VPS50: variants seen among roughly 807,000 people sequenced by gnomAD.
VPS50 encodes syndetin.
A neutral mutation model predicts 139.7 loss-of-function variants in VPS50; 70 were observed. The ratio of observed to expected loss-of-function variants is 0.50; its 90% CI spans 0.41 to 0.61. The LOEUF (loss-of-function observed/expected upper bound fraction) is 0.61. Ranked by LOEUF, VPS50 falls within the 20% of genes least tolerant of loss-of-function variation. The pLI is 0.00. For missense variants in VPS50, 921 were observed against 1,133.7 expected (o/e 0.81, Z 2.69); for synonymous variants, 365 against 376.7 (o/e 0.97, Z 0.36).
intron 6 of VPS50, 161 bp downstream of exon 6, chr7:93,257,625 G>T: frequency 2.1e-6 from 1 of 479,580 alleles, no homozygotes; most frequent in Non-Finnish European, 3.6e-6. Context: ...ACACTAAGAG[G>T]GTTTGTGGGA....
At chr7:93,325,153 C>G (rs1797732717) in intron 21 of VPS50, among the ~76,000 whole-genome samples, 1 of 152,170 alleles carries the variant, frequency 6.6e-6, no homozygotes, top group Non-Finnish European at 1.5e-5. Context: ...ATATCTACAA[C>G]TATCTGATCT....
At chr7:93,342,352 T>C (rs1798241678) in intron 23 of VPS50, among the ~76,000 whole-genome samples, 1 of 152,172 alleles carries the variant, frequency 6.6e-6, no homozygotes, top group South Asian at 2.1e-4. Context: ...CGCTGATTGC[T>C]AGCACAGCAG....
At position 93,306,024 on chromosome 7, in the gene VPS50, C is replaced by A. The variant is rs1288412789; in HGVS notation, c.1629+20C>A. ...AATGGGGTATGTGGTGTATGTGAAA[C>A]ATAAGTGAGTTTTTTTTATTTAAAA... On this transcript the variant is annotated intron_variant, in intron 18 of 27. Coordinates refer to ENST00000305866, the MANE Select transcript of VPS50 (RefSeq NM_017667.4). 1 of 1,578,686 alleles carries A rather than the reference C, an allele frequency of 6.3e-7. No homozygotes were observed.
intron 2 of VPS50, among the ~76,000 whole-genome samples, chr7:93,247,239 C>G (rs1795183197): frequency 6.6e-6 from 1 of 151,794 alleles, no homozygotes; most frequent in African/African-American, 2.4e-5. Flanking sequence ...TTTGATATAG[C>G]CTAACCTGAG....
chr7:93,258,407 T>G lies in VPS50; in HGVS notation c.576+15T>G, dbSNP rs1357576614. On this transcript the variant is annotated intron_variant, in intron 8 of 27. Coordinates refer to ENST00000305866, the MANE Select transcript of VPS50 (RefSeq NM_017667.4). ...AAATGCTGGAGGTAAGTTAACAAGT[T>G]TTGGAAATTTAGGGTCCTACTGATA... is the stretch of plus-strand genomic sequence containing the variant. 6.2e-7 allele frequency: 1 copy of G among 1,610,180 alleles called. No homozygotes were observed. The highest frequency in any genetic ancestry group is 1.7e-5 in the Admixed American group (1 of 59,970).
At chr7:93,259,413 T>A (rs1795597160) in intron 8 of VPS50, 137 bp from the exon 9 acceptor site, 1 of 514,918 alleles carries the variant, frequency 1.9e-6, no homozygotes, top group East Asian at 3.0e-5. Flanking sequence ...CACTTATCTA[T>A]CATTGATATT....
At chr7:93,263,408 C>T (rs1333905603) in intron 9 of VPS50, among the ~76,000 whole-genome samples, 2 of 152,090 alleles carry the variant, frequency 1.3e-5, no homozygotes, top group Non-Finnish European at 2.9e-5. Flanking sequence ...GAGAATCACC[C>T]CATGATATAG....
chr7:93,326,026 G>A (rs1797759202), intron 21 of VPS50, among the ~76,000 whole-genome samples: 1 of 151,908 alleles, frequency 6.6e-6, no homozygotes, highest in Non-Finnish European at 1.5e-5. Flanking sequence ...TATTCACAAT[G>A]GCAAAGACTT....
chr7:93,323,710 C>G lies in VPS50; in HGVS notation c.1955C>G (p.Thr652Ser). Residue 652 changes from threonine to serine, a missense_variant, in exon 21 of 28, where the codon ACC (threonine) becomes AGC (serine). Transcript: ENST00000305866. Reference sequence around the variant, plus strand: ...GATTATTACTTGTATGCAATATATACCTTTTTTGGTCGGAATGATTCAGTA... The same window carrying G: ...GATTATTACTTGTATGCAATATATAGCTTTTTTGGTCGGAATGATTCAGTA... ...LFDYYLYAIY[T>S]FFGRNDSLES... 3.5e-6 allele frequency: 5 copies of G among 1,429,146 alleles called. No homozygotes were observed. Among genetic ancestry groups the G allele is most frequent in the Non-Finnish European group, 4.7e-6 (5 of 1,067,328 alleles). The allele number at this position is 1,429,146 out of a possible 1,614,324, so 88.5% of individuals were successfully genotyped here.
At chr7:93,344,146 A>C (rs536428498) in intron 23 of VPS50, among the ~76,000 whole-genome samples, 10 of 152,304 alleles carry the variant, frequency 6.6e-5, no homozygotes, top group South Asian at 2.1e-4. Context: ...TCTACCAAGC[A>C]AATCGAAAAC....
chr7:93,313,586 G>A (rs566700001), intron 20 of VPS50, among the ~76,000 whole-genome samples: 3 of 152,162 alleles, frequency 2.0e-5, no homozygotes, highest in South Asian at 2.1e-4. Flanking sequence ...CACTATCCTC[G>A]TTATCTGAGA....
chr7:93,338,431 GA>G (rs1234201560), intron 22 of VPS50, among the ~76,000 whole-genome samples: 2 of 152,116 alleles, frequency 1.3e-5, no homozygotes, highest in Non-Finnish European at 2.9e-5. Flanking sequence ...GATCCCTCTG[GA>G]AAGGAACATT....
intron 2 of VPS50, among the ~76,000 whole-genome samples, chr7:93,243,204 T>A (rs1045998988): frequency 3.9e-5 from 6 of 151,976 alleles, no homozygotes; most frequent in Non-Finnish European, 8.8e-5. Flanking sequence ...AAGGTTCTTT[T>A]CAGAACTTGC....
At chr7:93,240,265 TCTCTC>T (rs759991539) in intron 2 of VPS50, among the ~76,000 whole-genome samples, 5,763 of 150,510 alleles carry the variant, frequency 0.038, 130 homozygotes, top group African/African-American at 0.057. Flanking sequence ...TCTCTCTCTC[TCTCTC>T]ATTGATTTAT....
intron 23 of VPS50, among the ~76,000 whole-genome samples, chr7:93,342,399 G>A (rs1401787876): frequency 6.6e-6 from 1 of 152,212 alleles, no homozygotes; most frequent in African/African-American, 2.4e-5. Flanking sequence ...TGACGCTGGG[G>A]GAGGGGCACC....
chr7:93,256,863 A>G (rs1014123588), intron 5 of VPS50, among the ~76,000 whole-genome samples: 4 of 152,164 alleles, frequency 2.6e-5, no homozygotes, highest in Non-Finnish European at 4.4e-5. Flanking sequence ...AGATTCACCA[A>G]TATTGACCAC....
chr7:93,342,995 C>T (rs1385959815), intron 23 of VPS50, among the ~76,000 whole-genome samples: 10 of 152,136 alleles, frequency 6.6e-5, no homozygotes, highest in Admixed American at 1.3e-4. Flanking sequence ...ATGACTTTGA[C>T]GAGCTGAGAG....
chr7:93,353,118 C>T (rs893446200), intron 25 of VPS50, among the ~76,000 whole-genome samples: 57 of 152,060 alleles, frequency 3.7e-4, no homozygotes, highest in African/African-American at 1.3e-3. Flanking sequence ...GCTTCTGGCC[C>T]CAAGCATTTT....
intron 13 of VPS50, among the ~76,000 whole-genome samples, chr7:93,292,934 G>T (rs1796692374): frequency 6.6e-6 from 1 of 152,082 alleles, no homozygotes; most frequent in Non-Finnish European, 1.5e-5. Context: ...CTTTTACCCT[G>T]TACTACCCCT....
Sources: gnomAD v4.1 joint callset for allele counts (sites outside exome capture counted in the v4.1 genomes callset) on GRCh38, gnomAD v4.1.1 for gene constraint, MANE v1.5 for transcripts, NCBI Gene and HGNC (gene_info 2026-07-23, HGNC 2026-07-21) for gene names.